The following STPG2 variants were observed in gnomAD, a reference collection of about 807,000 sequenced individuals.
STPG2 encodes the protein sperm-tail PG-rich repeat-containing protein 2.
In STPG2, 56 loss-of-function variants were observed where a neutral mutation model predicts 54.2. The ratio of observed to expected loss-of-function variants is 1.03; its 90% CI spans 0.83 to 1.29. The LOEUF (loss-of-function observed/expected upper bound fraction) is 1.29. Among genes scored for constraint, STPG2 ranks in the 50% most tolerant of loss-of-function variants. STPG2 has a pLI of 0.00. For synonymous variants in STPG2, 200 were observed against 181.8 expected (o/e 1.10, Z -0.81); for missense variants, 596 against 544.9 (o/e 1.09, Z -0.93).
intron 4 of STPG2, among the ~76,000 whole-genome samples, chr4:97,540,359 A>C (rs986947153): frequency 9.2e-5 from 14 of 152,198 alleles, no homozygotes; most frequent in Non-Finnish European, 1.8e-4. Flanking sequence ...CTATGCAAAT[A>C]AACTAGAAAA....
intron 10 of STPG2, among the ~76,000 whole-genome samples, chr4:97,678,063 A>G (rs1161769011): frequency 2.0e-5 from 3 of 152,136 alleles, no homozygotes; most frequent in African/African-American, 7.2e-5. Context: ...TGTAGATGTT[A>G]GTAATTATAT....
At chr4:97,839,091 C>T (rs1728718470) in intron 9 of STPG2, among the ~76,000 whole-genome samples, 1 of 151,588 alleles carries the variant, frequency 6.6e-6, no homozygotes, top group Admixed American at 6.6e-5. Flanking sequence ...ATACATTTCC[C>T]TTACCTCTCA....
In STPG2 at chr4:98,045,616, A is replaced by G. The variant is rs117876244; in HGVS notation, c.612+60337T>C. Among the ~76,000 whole-genome samples the G allele has an allele frequency of 2.1e-3, 322 of 152,256 alleles. 6 individuals carry two copies. The East Asian group carries it at 0.032, about 15-fold the overall frequency. On this transcript the variant is annotated intron_variant, in intron 5 of 10. Transcript: ENST00000295268. ...TTTAGTAGGATAGGTTTGCTCATAT[A>G]GTATTTGGGGGTGACCATTTTTTTC...
At chr4:98,129,381 T>G (rs897948926) in intron 2 of STPG2, among the ~76,000 whole-genome samples, 15 of 152,170 alleles carry the variant, frequency 9.9e-5, no homozygotes, top group African/African-American at 3.6e-4. Context: ...CTTGTATAAA[T>G]GTCCTAAGTA....
chr4:98,026,460 G>A (rs1423452345), intron 5 of STPG2, among the ~76,000 whole-genome samples: 1 of 152,158 alleles, frequency 6.6e-6, no homozygotes, highest in Non-Finnish European at 1.5e-5. Context: ...GTTGGCAAGA[G>A]AGGGCACCAG....
intron 8 of STPG2, among the ~76,000 whole-genome samples, chr4:97,939,870 T>A (rs1353444419): frequency 6.6e-6 from 1 of 152,216 alleles, no homozygotes; most frequent in African/African-American, 2.4e-5. Context: ...TTATGTTGGC[T>A]TGTTCATGTG....
At chr4:97,980,060 C>T (rs968844738) in intron 6 of STPG2, among the ~76,000 whole-genome samples, 1 of 152,018 alleles carries the variant, frequency 6.6e-6, no homozygotes, top group Non-Finnish European at 1.5e-5. Flanking sequence ...GTAGCACACA[C>T]CTGTAGTCCC....
intron 4 of STPG2, among the ~76,000 whole-genome samples, chr4:97,514,623 T>C (rs1731038227): frequency 1.3e-5 from 2 of 152,152 alleles, no homozygotes; most frequent in Admixed American, 6.6e-5. Flanking sequence ...TATATCCTTA[T>C]ATTTTATTAG....
chr4:98,125,003 ATGT>A, intron 3 of STPG2, among the ~76,000 whole-genome samples: 1 of 152,150 alleles, frequency 6.6e-6, no homozygotes, highest in East Asian at 1.9e-4. Context: ...TGAAGTTTTC[ATGT>A]TGTGTTTTTC....
intron 8 of STPG2, among the ~76,000 whole-genome samples, chr4:97,937,319 G>C (rs967047657): frequency 6.6e-6 from 1 of 151,976 alleles, no homozygotes; most frequent in African/African-American, 2.4e-5. Context: ...CATTGGGTTA[G>C]AACATGCTCC....
chr4:97,842,303 A>C (rs559329030), intron 8 of STPG2, among the ~76,000 whole-genome samples: 6 of 151,998 alleles, frequency 3.9e-5, no homozygotes, highest in South Asian at 2.1e-4. Context: ...TTTTGTCTGC[A>C]TCAAGAGTAT....
intron 4 of STPG2, among the ~76,000 whole-genome samples, chr4:97,496,617 T>G (rs1400751684): frequency 6.6e-6 from 1 of 151,794 alleles, no homozygotes; most frequent in African/African-American, 2.4e-5. Flanking sequence ...ATCTTCCTGT[T>G]GGAAAATCAT....
intron 5 of STPG2, among the ~76,000 whole-genome samples, chr4:98,055,006 T>G (rs1205968088): frequency 1.3e-5 from 2 of 152,096 alleles, no homozygotes; most frequent in Non-Finnish European, 2.9e-5. Flanking sequence ...AGTCTACAGC[T>G]AGGGCACTCC....
At chr4:97,995,607 C>T (rs1037166006) in intron 5 of STPG2, among the ~76,000 whole-genome samples, 2 of 152,068 alleles carry the variant, frequency 1.3e-5, no homozygotes, top group South Asian at 4.2e-4. Flanking sequence ...AAGACTAGCA[C>T]ACCCTGAGTA....
chr4:97,880,277 A>C (rs75506087), intron 8 of STPG2, among the ~76,000 whole-genome samples: 191 of 152,344 alleles, frequency 1.3e-3, no homozygotes, highest in Middle Eastern at 3.4e-3. Context: ...CAATGGGATC[A>C]GGTTCATTTG....
intron 5 of STPG2, among the ~76,000 whole-genome samples, chr4:98,019,510 G>C (rs554518912): frequency 7.2e-4 from 110 of 151,826 alleles, no homozygotes; most frequent in Admixed American, 1.4e-3. Context: ...GCTCTTTTTT[G>C]GTTCCATATG....
At chr4:97,944,779 T>C (rs1352960735) in intron 7 of STPG2, among the ~76,000 whole-genome samples, 2 of 152,180 alleles carry the variant, frequency 1.3e-5, no homozygotes, top group Admixed American at 6.6e-5. Flanking sequence ...GTAACATTAA[T>C]TTACTAAAAC....
intron 4 of STPG2, among the ~76,000 whole-genome samples, chr4:97,492,340 G>A (rs1334881432): frequency 3.3e-5 from 5 of 151,298 alleles, no homozygotes; most frequent in Non-Finnish European, 7.4e-5. Context: ...TCTTTCATGG[G>A]GACCTCTGAA....
Position 97,479,754 on chromosome 4 carries a change from C to G in STPG2, c.462+232945G>C, listed in dbSNP as rs188176282. On this transcript the variant is annotated intron_variant, in intron 4 of 4. Transcript: ENST00000522676. ...GAATAACAAAGACAAAATTTACTCT[C>G]TTTTATTCAACTCCTAGAAAACTAG... Among the ~76,000 whole-genome samples, 280 of 151,966 alleles carry G rather than the reference C, an allele frequency of 1.8e-3. 1 individual carries two copies. Among genetic ancestry groups the G allele is most frequent in the African/African-American group, 6.4e-3 (267 of 41,540 alleles).
Sources: gnomAD v4.1 joint callset for allele counts (sites outside exome capture counted in the v4.1 genomes callset) on GRCh38, gnomAD v4.1.1 for gene constraint, MANE v1.5 for transcripts, NCBI Gene and HGNC (gene_info 2026-07-23, HGNC 2026-07-21) for gene names.